The following PKD2 variants were observed in gnomAD, a reference collection of about 807,000 sequenced individuals.
The protein encoded by PKD2 is polycystin-2.
Under a neutral mutation model 105.9 loss-of-function variants are expected in PKD2, and 48 were observed. That is an observed-to-expected ratio of 0.45 (90% confidence interval 0.36 to 0.58). The LOEUF (loss-of-function observed/expected upper bound fraction) is 0.58, where lower values mean the gene tolerates loss of function less well. Ranked by LOEUF, PKD2 falls within the 20% of genes least tolerant of loss-of-function variation. The pLI, the probability that PKD2 is intolerant of heterozygous loss-of-function variation, is 0.00. For synonymous variants in PKD2, 464 were observed against 481.1 expected (o/e 0.96, Z 0.46); for missense variants, 1,078 against 1,255.3 (o/e 0.86, Z 2.13).
intron 8 of PKD2, 36 bp from the exon 9 acceptor site, chr4:88,057,947 G>A: frequency 6.6e-7 from 1 of 1,524,178 alleles, no homozygotes; most frequent in Non-Finnish European, 9.1e-7. Context: ...GACATTCTTT[G>A]TTTTTGTATT....
Position 88,008,426 on chromosome 4 carries a change from C to T in PKD2, c.595+98C>T, listed in dbSNP as rs1247840911. On this transcript the variant is annotated intron_variant, in intron 1 of 14. Transcript: ENST00000237596. Reference sequence around the variant, plus strand: ...TGCGGCAGCTCCCCGGGCTCCATCTCGCATCCCCTCTGCGTTCCGCCTCCC... The same window carrying T: ...TGCGGCAGCTCCCCGGGCTCCATCTTGCATCCCCTCTGCGTTCCGCCTCCC... 2.1e-6 allele frequency: 3 copies of T among 1,399,780 alleles called. No individual in the cohort carries two copies. The African/African-American group carries it at 4.5e-5, about 21-fold the overall frequency. The allele number at this position is 1,399,780 out of a possible 1,614,324, so 86.7% of individuals were successfully genotyped here. A position where few individuals can be genotyped will look rare whatever the true frequency, so the allele number is the denominator to read the frequency against.
intron 5 of PKD2, among the ~76,000 whole-genome samples, chr4:88,045,160 T>C (rs1185626799): frequency 6.6e-6 from 1 of 152,248 alleles, no homozygotes; most frequent in Non-Finnish European, 1.5e-5. Context: ...CATTTCTCTA[T>C]ACTGTTTTTC....
In PKD2 at chr4:88,045,758, CAT is replaced by C. The variant is rs1727742987; in HGVS notation, c.1320-883_1320-882del. ...ATAGTGTATGTTTTAGACAATCAGA[CAT>C]CTATTGAGTACCCACCTATTAACTA... On this transcript the variant is annotated intron_variant, in intron 5 of 14. Coordinates refer to ENST00000237596, the MANE Select transcript of PKD2 (RefSeq NM_000297.4). Among the ~76,000 whole-genome samples, 8 of 149,992 alleles carry C rather than the reference CAT, an allele frequency of 5.3e-5. No individual in the cohort carries two copies. The South Asian group carries it at 1.7e-3, about 31-fold the overall frequency.
intron 13 of PKD2, among the ~76,000 whole-genome samples, chr4:88,073,616 G>C (rs534373245): frequency 6.6e-6 from 1 of 152,152 alleles, no homozygotes; most frequent in Non-Finnish European, 1.5e-5. Context: ...CTGGAAGTTG[G>C]GGGAGGAGGG....
chr4:88,007,802 G>C lies in PKD2; in HGVS notation c.69G>C (p.Ala23=). ...GDAKRPPAPR[A]PDPGRLMAGC... is the part of the protein sequence containing the mutation. ...CCAAGCGGCCGCCCGCGCCCCGCGCGCCGGACCCGGGCCGGCTGATGGCTG... is the reference window on the plus strand; with the variant it reads ...CCAAGCGGCCGCCCGCGCCCCGCGCCCCGGACCCGGGCCGGCTGATGGCTG... The change falls in exon 1 of 15, where the codon GCG becomes GCC. Residue 23 remains alanine, a synonymous_variant. Transcript: ENST00000237596. 1 of 1,165,640 alleles carries C rather than the reference G, an allele frequency of 8.6e-7. No individual in the cohort carries two copies. Among genetic ancestry groups the C allele is most frequent in the Non-Finnish European group, 1.1e-6 (1 of 945,570 alleles). The allele number at this position is 1,165,640 out of a possible 1,614,324, so 72.2% of individuals were successfully genotyped here.
At chr4:88,056,982 GTTTTT>G (rs140442909) in intron 8 of PKD2, among the ~76,000 whole-genome samples, 5 of 150,358 alleles carry the variant, frequency 3.3e-5, no homozygotes, top group East Asian at 1.9e-4. Flanking sequence ...TTTTTGTTTT[GTTTTT>G]TTTTGTTTTG....
At chr4:88,019,076 G>C (rs1726657910) in intron 1 of PKD2, among the ~76,000 whole-genome samples, 1 of 152,120 alleles carries the variant, frequency 6.6e-6, no homozygotes, top group Non-Finnish European at 1.5e-5. Context: ...ATAATTACAA[G>C]GTTGTATCCA....
At chr4:88,015,878 A>G (rs751658021) in intron 1 of PKD2, among the ~76,000 whole-genome samples, 2 of 152,170 alleles carry the variant, frequency 1.3e-5, no homozygotes, top group African/African-American at 2.4e-5. Context: ...GAGCAGAGGA[A>G]TGCACTGTTT....
intron 1 of PKD2, among the ~76,000 whole-genome samples, chr4:88,018,976 C>A (rs151128811): frequency 1.4e-3 from 217 of 152,226 alleles, no homozygotes; most frequent in African/African-American, 5.0e-3. Context: ...AAGTGATTCT[C>A]CAACAAGGAC....
At chr4:88,019,857 G>C (rs554203347) in intron 2 of PKD2, among the ~76,000 whole-genome samples, 1 of 152,172 alleles carries the variant, frequency 6.6e-6, no homozygotes, top group African/African-American at 2.4e-5. Flanking sequence ...ATATAAGAAA[G>C]AATTTTTCTA....
chr4:88,039,334 ACT>A (rs1727465614), intron 4 of PKD2, among the ~76,000 whole-genome samples: 1 of 152,072 alleles, frequency 6.6e-6, no homozygotes. Context: ...TCCAGTATAC[ACT>A]CTATTTAATA....
At chr4:88,037,767 G>A (rs1232950357) in intron 3 of PKD2, among the ~76,000 whole-genome samples, 1 of 152,192 alleles carries the variant, frequency 6.6e-6, no homozygotes, top group Non-Finnish European at 1.5e-5. Flanking sequence ...TCACTAAAGG[G>A]ACGAGGAGGG....
rs144788860 is a variant in PKD2 at position 88,021,599 on chromosome 4, C to T, written c.709+2028C>T. ...TAAATTCTCTTTAAAACATCCGTCT[C>T]AGATGGTTACTCATACTGCCTCTGA... On this transcript the variant is annotated intron_variant, in intron 2 of 14. Coordinates refer to ENST00000237596, the MANE Select transcript of PKD2 (RefSeq NM_000297.4). Among the ~76,000 whole-genome samples the T allele has an allele frequency of 2.4e-3, 372 of 152,316 alleles. 3 individuals carry two copies. Among genetic ancestry groups the T allele is most frequent in the African/African-American group, 8.6e-3 (357 of 41,574 alleles).
At chr4:88,038,641 C>G in intron 4 of PKD2, 140 bp downstream of exon 4, 1 of 847,516 alleles carries the variant, frequency 1.2e-6, no homozygotes, top group Non-Finnish European at 2.0e-6. Flanking sequence ...ATATTTAAAC[C>G]TTGGCCAACT....
chr4:88,076,309 C>T lies in PKD2; in HGVS notation c.*615C>T, dbSNP rs1240719557. ...TTTGTAAGTTGATCGTATCTGATGT[C>T]TGTGGGACTAACTGTATCACTTAAT... On this transcript the variant is annotated 3_prime_UTR_variant, in exon 15 of 15. Coordinates refer to ENST00000237596, the MANE Select transcript of PKD2 (RefSeq NM_000297.4). 2 of 153,464 alleles carry T rather than the reference C, an allele frequency of 1.3e-5. No individual in the cohort carries two copies. The highest frequency in any genetic ancestry group is 2.9e-5 in the Non-Finnish European group (2 of 68,952). 9.5% of individuals were successfully genotyped at this position (153,464 alleles called of 1,614,324 possible).
At chr4:88,062,065 A>G in intron 10 of PKD2, 61 bp downstream of exon 10, 1 of 855,422 alleles carries the variant, frequency 1.2e-6, no homozygotes, top group Middle Eastern at 2.3e-4. Context: ...GCATTGTTTC[A>G]CCCAGATTTT....
At chr4:88,071,961 T>A (rs1305848816) in intron 13 of PKD2, among the ~76,000 whole-genome samples, 1 of 151,756 alleles carries the variant, frequency 6.6e-6, no homozygotes, top group African/African-American at 2.4e-5. Context: ...GCAGGGCTAG[T>A]TTTAGAGGCC....
intron 4 of PKD2, 81 bp downstream of exon 4, chr4:88,038,582 C>T: frequency 6.9e-7 from 1 of 1,444,332 alleles, no homozygotes; most frequent in South Asian, 1.1e-5. Context: ...CATTCATTCC[C>T]TGACACCTTC....
chr4:88,036,333 T>G lies in PKD2; in HGVS notation c.823T>G (p.Ser275Ala), dbSNP rs1029408616. 2 of 1,613,918 alleles carry G rather than the reference T, an allele frequency of 1.2e-6. No homozygotes were observed. The highest frequency in any genetic ancestry group is 1.7e-4 in the Middle Eastern group (1 of 6,060). ...GAAAACTAACTTTAAAACTCTGTCT[T>G]CCATGGAAGACTTCTGGAAGGTATT... The part of the protein sequence containing the change: ...TEKTNFKTLS[S>A]MEDFWKFTEG... The change falls in exon 3 of 15, where the codon TCC becomes GCC. Residue 275 changes from serine (S) to alanine (A), a missense_variant. This residue lies in a region of PKD2 where 868 missense variants were observed against 1,067.3 expected (regional missense o/e 0.81). Transcript: ENST00000237596.
Sources: allele counts gnomAD v4.1 joint callset (sites outside exome capture counted in the v4.1 genomes callset), GRCh38; gene constraint gnomAD v4.1.1; regional missense constraint gnomAD v4.1.1; transcripts MANE v1.5; gene names NCBI Gene and HGNC (gene_info 2026-07-23, HGNC 2026-07-21).